CTBP2: variants seen among roughly 807,000 people sequenced by gnomAD.
CTBP2 encodes the protein C-terminal-binding protein 2.
A neutral mutation model predicts 80.3 loss-of-function variants in CTBP2; 30 were observed. The observed-to-expected ratio is 0.37, with a 90% CI of 0.28 to 0.51. CTBP2 has a LOEUF of 0.51. CTBP2 is among the 20% of genes least tolerant of loss of function. The probability of loss-of-function intolerance (pLI) is 0.93; values close to 1 mark genes in which losing one functional copy is unlikely to be tolerated. For synonymous variants in CTBP2, 594 were observed against 587.4 expected (o/e 1.01, Z -0.16); for missense variants, 1,212 against 1,375.3 (o/e 0.88, Z 1.88).
At chr10:125,045,934 G>T (rs1470620376) in intron 2 of CTBP2, among the ~76,000 whole-genome samples, 3 of 151,720 alleles carry the variant, frequency 2.0e-5, no homozygotes, top group Non-Finnish European at 4.4e-5. Flanking sequence ...CCCTCGATCA[G>T]TTCCAAGGGC....
At chr10:125,032,219 G>A (rs893857), upstream of CTBP2, among the ~76,000 whole-genome samples, 29,615 of 152,102 alleles carry the variant, frequency 0.19, 3,577 homozygotes, top group East Asian at 0.28. Context: ...AAGAGGCTGT[G>A]CTCAGCTCTG....
rs971928508 is a variant in CTBP2 at position 125,050,636 on chromosome 10, G to T, written c.-101-11481C>A. 4.1e-4 allele frequency among the ~76,000 whole-genome samples: 62 copies of T among 152,278 alleles called. 1 individual carries two copies. The highest frequency in any genetic ancestry group is 2.5e-4 in the Non-Finnish European group (17 of 68,020). Reference sequence around the variant, plus strand: ...GGAAGGGTGGGGGTGCGGCTCACAAGAGTTCTTTTGTTTCTGTTATGGGGT... The same window carrying T: ...GGAAGGGTGGGGGTGCGGCTCACAATAGTTCTTTTGTTTCTGTTATGGGGT... On this transcript the variant is annotated intron_variant, in intron 2 of 10. Transcript: ENST00000337195.
intron 1 of CTBP2, among the ~76,000 whole-genome samples, chr10:125,012,183 C>G (rs1956002128): frequency 6.6e-6 from 1 of 152,246 alleles, no homozygotes; most frequent in African/African-American, 2.4e-5. Flanking sequence ...CGAGATTTCC[C>G]CAGTGGCCCA....
intron 3 of CTBP2, 175 bp from the exon 6 acceptor site, chr10:124,998,345 C>T: frequency 1.5e-6 from 1 of 666,980 alleles, no homozygotes; most frequent in Non-Finnish European, 2.5e-6. Flanking sequence ...GGCTCTGATG[C>T]ATGGGAAGCT....
chr10:125,144,775 T>C (rs1437702650), intron 1 of CTBP2, among the ~76,000 whole-genome samples: 3 of 152,256 alleles, frequency 2.0e-5, no homozygotes. Context: ...CTTTGACTTG[T>C]GTACATAGAT....
intron 2 of CTBP2, among the ~76,000 whole-genome samples, chr10:125,104,918 C>T (rs955118589): frequency 1.3e-5 from 2 of 152,198 alleles, no homozygotes; most frequent in Admixed American, 1.3e-4. Context: ...CCCCTTCTCC[C>T]GCCCCCACCC....
At chr10:125,067,240 T>C (rs1486200296) in intron 2 of CTBP2, among the ~76,000 whole-genome samples, 2 of 152,064 alleles carry the variant, frequency 1.3e-5, no homozygotes, top group African/African-American at 4.8e-5. Context: ...ATCAAAACTG[T>C]CAAGGTCATC....
At chr10:125,086,501 G>A (rs1847989673) in intron 2 of CTBP2, among the ~76,000 whole-genome samples, 1 of 151,538 alleles carries the variant, frequency 6.6e-6, no homozygotes, top group Non-Finnish European at 1.5e-5. Flanking sequence ...TGTAATCCCA[G>A]CTACTTGGGA....
chr10:125,149,218 G>A (rs1331620208), intron 1 of CTBP2, among the ~76,000 whole-genome samples: 3 of 152,166 alleles, frequency 2.0e-5, no homozygotes, highest in South Asian at 2.1e-4. Context: ...GAACCTGCAC[G>A]CCGCAGTCAT....
chr10:125,050,860 C>T (rs1418417893), intron 2 of CTBP2, among the ~76,000 whole-genome samples: 1 of 152,180 alleles, frequency 6.6e-6, no homozygotes, highest in African/African-American at 2.4e-5. Context: ...TGATGAGAAT[C>T]TTCTAGAGAA....
At chr10:125,159,150 TC>T (rs1370550335) in intron 1 of CTBP2, among the ~76,000 whole-genome samples, 1 of 149,250 alleles carries the variant, frequency 6.7e-6, no homozygotes, top group Non-Finnish European at 1.5e-5. Context: ...CGCGGGGCCG[TC>T]CGGCGCCGCG....
In CTBP2 at chr10:124,993,333, G is replaced by GA; in HGVS notation, c.2532-5dup. The stretch of plus-strand genomic sequence containing the variant: ...TTTCAACGGACCCTGAGCAAAGCTA[G>GA]AAAAATGTAGAAAAAACAGAGTAAG... On this transcript the variant is annotated splice_polypyrimidine_tract_variant and splice_region_variant and intron_variant, in intron 6 of 8. Transcript: ENST00000309035. The GA allele has an allele frequency of 6.2e-7, 1 of 1,605,622 alleles. No individual in the cohort carries two copies. Among genetic ancestry groups the GA allele is most frequent in the Non-Finnish European group, 8.5e-7 (1 of 1,173,108 alleles).
intron 1 of CTBP2, among the ~76,000 whole-genome samples, chr10:125,117,232 C>T (rs748383906): frequency 2.0e-5 from 3 of 152,194 alleles, no homozygotes; most frequent in Non-Finnish European, 4.4e-5. Context: ...TGGGGGGTGG[C>T]ACTGGGATGG....
At chr10:125,031,438 G>A (rs138473454), upstream of CTBP2, among the ~76,000 whole-genome samples, 2,498 of 127,126 alleles carry the variant, frequency 0.02, 88 homozygotes, top group African/African-American at 0.072. Context: ...GCAGTGAGCC[G>A]AGACAGAACC....
upstream of CTBP2, among the ~76,000 whole-genome samples, chr10:125,029,804 T>C (rs1004386858): frequency 6.6e-6 from 1 of 152,212 alleles, no homozygotes; most frequent in Non-Finnish European, 1.5e-5. Context: ...CTCAGCAAGT[T>C]CTCAAATGTA....
At chr10:125,056,553 G>C (rs149143265) in intron 2 of CTBP2, among the ~76,000 whole-genome samples, 1 of 152,176 alleles carries the variant, frequency 6.6e-6, no homozygotes, top group South Asian at 2.1e-4. Flanking sequence ...ACAACACAGC[G>C]GCCCAGGAGT....
intron 4 of CTBP2, chr10:124,997,722 C>T (rs1953820524): frequency 1.8e-6 from 1 of 564,366 alleles, no homozygotes; most frequent in Non-Finnish European, 3.2e-6. Flanking sequence ...TGCTGTCCTG[C>T]CAGACACTAC....
chr10:125,090,658 G>A (rs933868039), intron 2 of CTBP2, among the ~76,000 whole-genome samples: 1 of 151,980 alleles, frequency 6.6e-6, no homozygotes, highest in Non-Finnish European at 1.5e-5. Context: ...AGCTATTTGG[G>A]AGGCTGAGGT....
At chr10:125,090,285 C>CAAAAAAAAAAAAAAAAAAAAAAAAA (rs56714830) in intron 2 of CTBP2, among the ~76,000 whole-genome samples, 4 of 65,400 alleles carry the variant, frequency 6.1e-5, no homozygotes, top group African/African-American at 2.8e-4. Flanking sequence ...GTCCCTGGCT[C>CAAAAAAAAAAAAAAAAAAAAAAAAA]AAAAAAAAAA....
Sources: allele counts gnomAD v4.1 joint callset (sites outside exome capture counted in the v4.1 genomes callset), GRCh38; gene constraint gnomAD v4.1.1; transcripts MANE v1.5; gene names NCBI Gene and HGNC (gene_info 2026-07-23, HGNC 2026-07-21).